The following HMCN2 variants were observed in gnomAD, a reference collection of about 807,000 sequenced individuals.
The protein encoded by HMCN2 is hemicentin 2.
Under a neutral mutation model 377.5 loss-of-function variants are expected in HMCN2, and 325 were observed. That is an observed-to-expected ratio of 0.86 (90% CI 0.79 to 0.94). The LOEUF (loss-of-function observed/expected upper bound fraction) is 0.94, where lower values mean the gene tolerates loss of function less well. Among genes scored for constraint, HMCN2 ranks in the 40% least tolerant of loss-of-function variants. The pLI is 0.00. For missense variants in HMCN2, 4,543 were observed against 4,725.3 expected (o/e 0.96, Z 1.13); for synonymous variants, 2,007 against 2,046.8 (o/e 0.98, Z 0.53).
intron 95 of HMCN2, chr9:130,430,991 A>G (rs980057065): frequency 3.5e-6 from 1 of 288,908 alleles, no homozygotes; most frequent in Non-Finnish European, 6.4e-6. Flanking sequence ...TGAGAATGTG[A>G]CAAGGGACTG....
chr9:130,381,039 C>A (rs1384706937), intron 54 of HMCN2, among the ~76,000 whole-genome samples: 1 of 152,104 alleles, frequency 6.6e-6, no homozygotes, highest in Non-Finnish European at 1.5e-5. Context: ...CCCAGTCCTG[C>A]CCACTTACCT....
intron 22 of HMCN2, 111 bp downstream of exon 22, chr9:130,327,586 G>T (rs1245715077): frequency 6.6e-6 from 1 of 152,108 alleles, no homozygotes; most frequent in Non-Finnish European, 1.5e-5. Context: ...TCTCCCATAG[G>T]GTGCTGCTCC....
In HMCN2 at chr9:130,393,189, C is replaced by T; in HGVS notation, c.10137-23C>T. ...CTCTCCCTTTCTCTTGTCTCCTTCT[C>T]CCTCTCCTCTCGGGGGATTCAGGAT... is the stretch of plus-strand genomic sequence containing the variant. On this transcript the variant is annotated intron_variant, in intron 66 of 97. Coordinates refer to ENST00000683500, the MANE Select transcript of HMCN2 (RefSeq NM_001291815.2). The surrounding 1 kb of genome is among the most constrained non-coding windows in gnomAD (Gnocchi z 5.2). The T allele has an allele frequency of 2.0e-6, 2 of 986,684 alleles. No individual in the cohort carries two copies. Among genetic ancestry groups the T allele is most frequent in the South Asian group, 9.4e-5 (2 of 21,344 alleles). 61.1% of individuals were successfully genotyped at this position (986,684 alleles called of 1,614,324 possible). A position where few individuals can be genotyped will look rare whatever the true frequency, so the allele number is the denominator to read the frequency against.
chr9:130,364,830 G>A lies in HMCN2; in HGVS notation c.6349G>A (p.Gly2117Arg), dbSNP rs1203418828. The change falls in exon 41 of 98, where the codon GGG becomes AGG. Residue 2117 changes from glycine (G) to arginine (R), a missense_variant. By Grantham distance (125) the Gly-to-Arg change is moderately radical. This residue lies in a region of HMCN2 where 1,032 missense variants were observed against 1,285.1 expected (regional missense o/e 0.80). Coordinates refer to ENST00000683500, the MANE Select transcript of HMCN2 (RefSeq NM_001291815.2). ...PPPVLSWWKDGRPLEPRPGVH... is the reference protein window; with the variant it reads ...PPPVLSWWKDRRPLEPRPGVH... ...TCCTGTGCTGAGCTGGTGGAAGGAC[G>A]GGCGGCCCCTGGAACCACGGCCTGG... The A allele has an allele frequency of 5.1e-6, 5 of 986,026 alleles. No individual in the cohort carries two copies. Among genetic ancestry groups the A allele is most frequent in the East Asian group, 1.1e-4 (1 of 8,812 alleles). The allele number at this position is 986,026 out of a possible 1,614,324, so 61.1% of individuals were successfully genotyped here.
intron 4 of HMCN2, among the ~76,000 whole-genome samples, chr9:130,291,371 G>A (rs1351338232): frequency 2.0e-5 from 3 of 152,062 alleles, no homozygotes; most frequent in African/African-American, 7.2e-5. Context: ...CACCACACCC[G>A]GCTAATTTTT....
chr9:130,401,311 A>G (rs989320471), intron 77 of HMCN2, among the ~76,000 whole-genome samples: 25 of 152,164 alleles, frequency 1.6e-4, no homozygotes, highest in Non-Finnish European at 5.9e-5. Context: ...TCTTGATGAT[A>G]TTAAGATAAT....
chr9:130,357,136 G>A (rs1840070470), intron 34 of HMCN2, among the ~76,000 whole-genome samples: 1 of 150,682 alleles, frequency 6.6e-6, no homozygotes, highest in Non-Finnish European at 1.5e-5. Flanking sequence ...AAGCATGGGT[G>A]GATAGAAGGG....
Position 130,425,013 on chromosome 9 carries a change from G to C in HMCN2, c.13524G>C (p.Glu4508Asp). The C allele has an allele frequency of 6.5e-7, 1 of 1,545,320 alleles. No individual in the cohort carries two copies. The highest frequency in any genetic ancestry group is 2.0e-5 in the Admixed American group (1 of 50,654). Residue 4508 changes from glutamate (E) to aspartate (D), a missense_variant, in exon 89 of 98, where the codon GAG becomes GAC. Glu to Asp is a conservative substitution (Grantham distance 45, BLOSUM62 2). This residue lies in a region of HMCN2 where 1,155 missense variants were observed against 1,157.7 expected (regional missense o/e 1.00). Coordinates refer to ENST00000683500, the MANE Select transcript of HMCN2 (RefSeq NM_001291815.2). The part of the protein sequence containing the change: ...QESHVEFATG[E>D]LLTMTQVARG... ...CTGGGTGGGGATGGTTTGCAGGGGA[G>C]CTGCTCACGATGACCCAGGTGGCCC...
intron 80 of HMCN2, 66 bp downstream of exon 80, chr9:130,403,941 T>C: frequency 8.1e-7 from 1 of 1,235,762 alleles, no homozygotes; most frequent in African/African-American, 1.6e-5. Context: ...TCTGCAAGCT[T>C]CTCCCTTCTC....
At chr9:130,383,267 T>TA (rs1554962776) in intron 56 of HMCN2, among the ~76,000 whole-genome samples, 4 of 151,600 alleles carry the variant, frequency 2.6e-5, no homozygotes, top group South Asian at 4.2e-4. Flanking sequence ...TCCACAGGGG[T>TA]GGGGGAGGCT....
chr9:130,405,514 C>A (rs754041789), intron 81 of HMCN2, among the ~76,000 whole-genome samples: 8 of 152,066 alleles, frequency 5.3e-5, no homozygotes, highest in Non-Finnish European at 1.0e-4. Context: ...GTGGACACAC[C>A]TAGAGGGGTC....
chr9:130,278,901 C>CT lies in HMCN2; in HGVS notation c.260-5687dup, dbSNP rs1162905487. On this transcript the variant is annotated intron_variant, in intron 1 of 97. Transcript: ENST00000683500. ...CAGCCTGAGACCCTATTTTCTTTTT[C>CT]TTTTTTTTTTTTTTTGAGACGGAGT... Among the ~76,000 whole-genome samples the CT allele has an allele frequency of 6.2e-3, 817 of 132,332 alleles. 8 individuals carry two copies. The highest frequency in any genetic ancestry group is 0.016 in the African/African-American group (558 of 35,940). 86.8% of individuals were successfully genotyped at this position (132,332 alleles called of 152,430 possible).
chr9:130,344,511 G>T (rs892585044), intron 25 of HMCN2, among the ~76,000 whole-genome samples: 13 of 151,262 alleles, frequency 8.6e-5, no homozygotes, highest in Non-Finnish European at 1.6e-4. Context: ...TATGTATGTG[G>T]TGTGTGTGGT....
chr9:130,333,201 T>C lies in HMCN2; in HGVS notation c.3360-4693T>C, dbSNP rs1006927028. Among the ~76,000 whole-genome samples, 5 of 152,196 alleles carry C rather than the reference T, an allele frequency of 3.3e-5. No homozygotes were observed. The South Asian group carries it at 1.0e-3, about 31-fold the overall frequency. On this transcript the variant is annotated intron_variant, in intron 22 of 97. Transcript: ENST00000683500. Reference sequence around the variant, plus strand: ...GGGGACCTGGGCACACCTGGCTCCTTCCCTCACGGAGCCATCAGACAGCGT... The same window carrying C: ...GGGGACCTGGGCACACCTGGCTCCTCCCCTCACGGAGCCATCAGACAGCGT...
chr9:130,357,137 G>A lies in HMCN2; in HGVS notation c.5426-697G>A, dbSNP rs549016955. 2.2e-4 allele frequency among the ~76,000 whole-genome samples: 33 copies of A among 150,646 alleles called. No individual in the cohort carries two copies. In the South Asian group the frequency reaches 6.8e-3, roughly 31 times the overall value. ...GGGTAGATAGATGGAAGCATGGGTG[G>A]ATAGAAGGGTGGATGGATGGGTAAA... is the stretch of plus-strand genomic sequence containing the variant. On this transcript the variant is annotated intron_variant, in intron 34 of 97. Transcript: ENST00000683500.
At chr9:130,298,297 G>GGA (rs1374531630) in intron 7 of HMCN2, among the ~76,000 whole-genome samples, 1 of 152,148 alleles carries the variant, frequency 6.6e-6, no homozygotes, top group African/African-American at 2.4e-5. Flanking sequence ...GGCCAAGGTA[G>GGA]GAGGATTGCT....
intron 7 of HMCN2, 108 bp downstream of exon 7, chr9:130,296,902 CTG>C (rs1432530162): frequency 2.4e-6 from 1 of 412,746 alleles, no homozygotes; most frequent in African/African-American, 2.0e-5. Flanking sequence ...CTGTGTGTGA[CTG>C]TGAAAGGGAC....
At position 130,427,316 on chromosome 9, in the gene HMCN2, A is replaced by T; in HGVS notation, c.13883A>T (p.Glu4628Val). ...GTCTATCCTCTTTGCTTTGCAGAGGAGAACGAGGTCGGCTGCCCCGAGGGC... is the reference window on the plus strand; with the variant it reads ...GTCTATCCTCTTTGCTTTGCAGAGGTGAACGAGGTCGGCTGCCCCGAGGGC... ...FQLATALQAE[E>V]NEVGCPEGFE... Residue 4628 changes from glutamate (E) to valine (V), a missense_variant, in exon 91 of 98, where the codon GAG becomes GTG. Glu to Val is a moderately radical substitution (Grantham distance 121, BLOSUM62 -2). Coordinates refer to ENST00000683500, the MANE Select transcript of HMCN2 (RefSeq NM_001291815.2). 1 of 1,550,526 alleles carries T rather than the reference A, an allele frequency of 6.4e-7. No homozygotes were observed. Among genetic ancestry groups the T allele is most frequent in the Non-Finnish European group, 8.7e-7 (1 of 1,146,998 alleles).
rs1844019065 is a variant in HMCN2 at position 130,421,633 on chromosome 9, C to A, written c.13232-944C>A. On this transcript the variant is annotated intron_variant, in intron 86 of 97. Coordinates refer to ENST00000683500, the MANE Select transcript of HMCN2 (RefSeq NM_001291815.2). ...CAGCTCCCGATCTCTTCTTCACTCC[C>A]CTATTAAAAGGCCAGGGATAGGTTC... Among the ~76,000 whole-genome samples, 5 of 152,184 alleles carry A rather than the reference C, an allele frequency of 3.3e-5. No individual in the cohort carries two copies. In the South Asian group the frequency reaches 1.0e-3, roughly 31 times the overall value.
Sources: allele counts gnomAD v4.1 joint callset (sites outside exome capture counted in the v4.1 genomes callset), GRCh38; gene constraint gnomAD v4.1.1; regional missense constraint gnomAD v4.1.1; non-coding constraint Gnocchi (gnomAD v3.1); transcripts MANE v1.5; gene names NCBI Gene and HGNC (gene_info 2026-07-23, HGNC 2026-07-21).